The following ZNF644 variants were observed in gnomAD, a reference collection of about 807,000 sequenced individuals.
The protein encoded by ZNF644 is zinc finger protein 644, also known as zinc finger motif enhancer binding protein 2.
In ZNF644, 20 loss-of-function variants were observed where a neutral mutation model predicts 108.0. The ratio of observed to expected loss-of-function variants is 0.19; its 90% CI spans 0.13 to 0.27. ZNF644 has a LOEUF of 0.27. Among genes scored for constraint, ZNF644 ranks in the 10% least tolerant of loss-of-function variants. The pLI is 1.00. For missense variants in ZNF644, 1,338 were observed against 1,548.9 expected, an observed-to-expected ratio of 0.86 and a Z score of 2.29; for synonymous variants, 542 against 539.1, an observed-to-expected ratio of 1.01 and a Z score of -0.08.
At chr1:90,950,989 T>C (rs1481532351) in intron 2 of ZNF644, among the ~76,000 whole-genome samples, 1 of 152,216 alleles carries the variant, frequency 6.6e-6, no homozygotes, top group Non-Finnish European at 1.5e-5. Context: ...GCAGCCTTCC[T>C]CATCTATATC....
At position 90,918,066 on chromosome 1, in the gene ZNF644, G is replaced by A. The variant is rs1648999958; in HGVS notation, c.3777C>T (p.Tyr1259=). 1 of 1,613,796 alleles carries A rather than the reference G, an allele frequency of 6.2e-7. No homozygotes were observed. The highest frequency in any genetic ancestry group is 8.5e-7 in the Non-Finnish European group (1 of 1,179,858). The change falls in exon 5 of 6, where the codon TAC becomes TAT. Residue 1259 remains tyrosine, a synonymous_variant. Coordinates refer to ENST00000337393, the MANE Select transcript of ZNF644 (RefSeq NM_201269.3). ...TAGGCATATACCTGCATCGGAGAAT[G>A]TAAACCTCGTCAGCACCATGAGGTA... is the stretch of plus-strand genomic sequence containing the variant. ...LTLPHGADEV[Y]ILRCRFCGLV...
intron 2 of ZNF644, among the ~76,000 whole-genome samples, chr1:90,964,381 T>G (rs1235618917): frequency 6.6e-6 from 1 of 152,112 alleles, no homozygotes; most frequent in African/African-American, 2.4e-5. Flanking sequence ...GAATGATAAA[T>G]GACACCTGAC....
At chr1:91,004,506 G>C (rs1204021572) in intron 1 of ZNF644, among the ~76,000 whole-genome samples, 1 of 152,160 alleles carries the variant, frequency 6.6e-6, no homozygotes, top group Non-Finnish European at 1.5e-5. Flanking sequence ...ATACTAAAGA[G>C]TGTCCCTCAG....
chr1:90,946,786 T>C (rs185821135), intron 2 of ZNF644, among the ~76,000 whole-genome samples: 5 of 152,046 alleles, frequency 3.3e-5, no homozygotes, highest in Admixed American at 2.6e-4. Flanking sequence ...GTTTGATATA[T>C]AGATTGCCAT....
At chr1:90,965,152 TGCCTTTTAACAAA>T (rs1219845046) in intron 2 of ZNF644, among the ~76,000 whole-genome samples, 1 of 152,220 alleles carries the variant, frequency 6.6e-6, no homozygotes, top group Non-Finnish European at 1.5e-5. Context: ...TAGCTAGAAC[TGCCTTTTAACAAA>T]GTCCTGCAAG....
At chr1:91,005,082 TA>T (rs1659282851) in intron 1 of ZNF644, among the ~76,000 whole-genome samples, 4 of 152,094 alleles carry the variant, frequency 2.6e-5, no homozygotes, top group Admixed American at 1.3e-4. Flanking sequence ...TATAACTGGC[TA>T]CAAGAGACAC....
At chr1:91,019,757 G>T (rs1313873598) in intron 1 of ZNF644, among the ~76,000 whole-genome samples, 1 of 151,974 alleles carries the variant, frequency 6.6e-6, no homozygotes, top group Non-Finnish European at 1.5e-5. Context: ...AGTAGAGACG[G>T]GGTTTCACCA....
chr1:90,950,784 G>C (rs1330113326), intron 2 of ZNF644, among the ~76,000 whole-genome samples: 1 of 152,152 alleles, frequency 6.6e-6, no homozygotes, highest in African/African-American at 2.4e-5. Flanking sequence ...GTATGCCCCT[G>C]AAAGTACAGA....
rs1390294359 is a variant in ZNF644 at position 90,937,608 on chromosome 1, A to G, written c.3565T>C (p.Ser1189Pro). ...RMGEERNSAISPQKIHNQTAR... is the reference protein window; with the variant it reads ...RMGEERNSAIPPQKIHNQTAR... ...GTCTGATTATGGATCTTTTGAGGAG[A>G]AATAGCAGAATTCCTTTCTTCTCCC... Residue 1189 changes from serine to proline, a missense_variant, in exon 4 of 6, where the codon TCT becomes CCT. Ser to Pro is a moderately conservative substitution (Grantham distance 74, BLOSUM62 -1). Coordinates refer to ENST00000337393, the MANE Select transcript of ZNF644 (RefSeq NM_201269.3). 1 of 1,613,778 alleles carries G rather than the reference A, an allele frequency of 6.2e-7. No individual in the cohort carries two copies. Among genetic ancestry groups the G allele is most frequent in the African/African-American group, 1.3e-5 (1 of 74,906 alleles).
intron 2 of ZNF644, among the ~76,000 whole-genome samples, chr1:90,978,882 T>C (rs1280757316): frequency 1.3e-5 from 2 of 150,092 alleles, no homozygotes; most frequent in East Asian, 1.9e-4. Context: ...TAAGAATCTA[T>C]GTCTAAGAAA....
intron 1 of ZNF644, among the ~76,000 whole-genome samples, chr1:91,012,060 G>A (rs935202142): frequency 6.6e-6 from 1 of 151,926 alleles, no homozygotes; most frequent in Non-Finnish European, 1.5e-5. Context: ...ACCTCTAAAG[G>A]ATTACTATTA....
At chr1:90,992,670 A>C (rs564474477) in intron 1 of ZNF644, among the ~76,000 whole-genome samples, 2 of 152,376 alleles carry the variant, frequency 1.3e-5, no homozygotes, top group African/African-American at 4.8e-5. Context: ...CAACTGAAAC[A>C]AAAAGCCTGA....
chr1:90,989,657 C>A (rs1488172494), intron 1 of ZNF644, among the ~76,000 whole-genome samples: 1 of 152,058 alleles, frequency 6.6e-6, no homozygotes, highest in Non-Finnish European at 1.5e-5. Flanking sequence ...TTTTAAAAAC[C>A]CAGGAAATAA....
In ZNF644 at chr1:90,933,404, G is replaced by A. The variant is rs531931123; in HGVS notation, c.3688+4081C>T. Among the ~76,000 whole-genome samples, 15 of 152,158 alleles carry A rather than the reference G, an allele frequency of 9.9e-5. No homozygotes were observed. The South Asian group carries it at 2.5e-3, about 25-fold the overall frequency. On this transcript the variant is annotated intron_variant, in intron 4 of 5. Coordinates refer to ENST00000337393, the MANE Select transcript of ZNF644 (RefSeq NM_201269.3). ...AGGCTGGGTGCGGTGGCTCTCGGCT[G>A]TAATCCCAGCACTTTGGGAGGCTAA...
intron 2 of ZNF644, among the ~76,000 whole-genome samples, chr1:90,951,005 T>C (rs1653101068): frequency 6.6e-6 from 1 of 152,206 alleles, no homozygotes; most frequent in Admixed American, 6.5e-5. Context: ...ATATCAGTTG[T>C]TCAGGCCAAT....
intron 2 of ZNF644, among the ~76,000 whole-genome samples, chr1:90,964,916 T>C (rs1240610561): frequency 1.3e-5 from 2 of 152,166 alleles, no homozygotes; most frequent in African/African-American, 4.8e-5. Context: ...TTTTTGTTGC[T>C]TGTTGTTTTT....
intron 1 of ZNF644, among the ~76,000 whole-genome samples, chr1:90,998,693 G>A (rs1658433153): frequency 1.3e-5 from 2 of 152,208 alleles, no homozygotes; most frequent in African/African-American, 2.4e-5. Context: ...AACAAAGCTG[G>A]ACAGAGAATG....
intron 2 of ZNF644, among the ~76,000 whole-genome samples, chr1:90,959,764 T>A (rs1483782704): frequency 6.6e-6 from 1 of 152,108 alleles, no homozygotes; most frequent in Non-Finnish European, 1.5e-5. Context: ...TTTTATGGGG[T>A]GATGAAACAC....
Position 90,940,517 on chromosome 1 carries a change from A to C in ZNF644, c.837T>G (p.Ala279=). 1 of 1,613,542 alleles carries C rather than the reference A, an allele frequency of 6.2e-7. No individual in the cohort carries two copies. The highest frequency in any genetic ancestry group is 8.5e-7 in the Non-Finnish European group (1 of 1,179,870). ...CTAGACCTATTTTAGAATGAGGTGGAGCTTTATCTACTGTTTCCTCATTAG... is the reference window on the plus strand; with the variant it reads ...CTAGACCTATTTTAGAATGAGGTGGCGCTTTATCTACTGTTTCCTCATTAG... ...LMTNEETVDK[A]PPHSKIGLEK... The change falls in exon 3 of 6, where the codon GCT becomes GCG. Residue 279 remains alanine, a synonymous_variant. Coordinates refer to ENST00000337393, the MANE Select transcript of ZNF644 (RefSeq NM_201269.3).
Sources: allele counts gnomAD v4.1 joint callset (sites outside exome capture counted in the v4.1 genomes callset), GRCh38; gene constraint gnomAD v4.1.1; transcripts MANE v1.5; gene names NCBI Gene and HGNC (gene_info 2026-07-23, HGNC 2026-07-21).